Variants in ERBB4 observed in about 807,000 individuals in gnomAD.
ERBB4 encodes the protein erb-b2 receptor tyrosine kinase 4, also known as receptor tyrosine-protein kinase erbB-4.
In ERBB4, 42 loss-of-function variants were observed where a neutral mutation model predicts 158.0. The observed-to-expected ratio is 0.27, with a 90% CI of 0.21 to 0.34. The LOEUF (loss-of-function observed/expected upper bound fraction) is 0.34. Ranked by LOEUF, ERBB4 falls within the 10% of genes least tolerant of loss-of-function variation. The pLI is 1.00. For synonymous variants in ERBB4, 583 were observed against 558.7 expected (o/e 1.04, Z -0.61); for missense variants, 1,333 against 1,624.1 (o/e 0.82, Z 3.08).
At chr2:211,476,069 GT>G (rs1418113588) in intron 20 of ERBB4, among the ~76,000 whole-genome samples, 1 of 152,070 alleles carries the variant, frequency 6.6e-6, no homozygotes, top group African/African-American at 2.4e-5. Flanking sequence ...GAGATTATAT[GT>G]GATCAGCAAT....
intron 1 of ERBB4, among the ~76,000 whole-genome samples, chr2:212,257,343 A>C (rs1185565011): frequency 6.6e-6 from 1 of 152,108 alleles, no homozygotes; most frequent in East Asian, 1.9e-4. Context: ...TGTAATTCTG[A>C]AGTAATTAGG....
intron 2 of ERBB4, among the ~76,000 whole-genome samples, chr2:211,965,438 T>G (rs1322450766): frequency 1.3e-5 from 2 of 152,162 alleles, no homozygotes; most frequent in East Asian, 3.8e-4. Flanking sequence ...ATAAAAGATT[T>G]GCCTGATATA....
chr2:211,709,252 C>T (rs6718377), intron 9 of ERBB4, among the ~76,000 whole-genome samples: 4,104 of 70,014 alleles, frequency 0.059, 175 homozygotes, highest in African/African-American at 0.2. Flanking sequence ...TATATATATA[C>T]ACATATATAT....
chr2:212,135,481 C>CAT (rs200031338), intron 1 of ERBB4, among the ~76,000 whole-genome samples: 12 of 151,878 alleles, frequency 7.9e-5, no homozygotes, highest in East Asian at 1.9e-4. Context: ...CTTATAACTG[C>CAT]ATATATATAT....
chr2:211,424,382 A>G (rs2063580400), intron 22 of ERBB4, 81 bp from the exon 23 acceptor site: 2 of 969,204 alleles, frequency 2.1e-6, no homozygotes, highest in African/African-American at 3.2e-5. Flanking sequence ...TAGTAAAAGA[A>G]TACTCCTTAC....
At chr2:211,426,646 C>A (rs16846136) in intron 22 of ERBB4, among the ~76,000 whole-genome samples, 37,290 of 151,784 alleles carry the variant, frequency 0.25, 5,238 homozygotes, top group South Asian at 0.53. Flanking sequence ...CTGTTCTGCC[C>A]AGTTTATATA....
chr2:211,711,865 A>G (rs1349852977), intron 9 of ERBB4, among the ~76,000 whole-genome samples, 185 bp downstream of exon 9: 3 of 152,160 alleles, frequency 2.0e-5, no homozygotes, highest in Non-Finnish European at 4.4e-5. Context: ...CTAAAGTTTG[A>G]GCACATTCCA....
At chr2:211,520,402 C>T (rs2066154480) in intron 20 of ERBB4, among the ~76,000 whole-genome samples, 1 of 152,018 alleles carries the variant, frequency 6.6e-6, no homozygotes, top group South Asian at 2.1e-4. Flanking sequence ...TTATGTAAAA[C>T]ATGGGTTGGC....
intron 3 of ERBB4, among the ~76,000 whole-genome samples, chr2:211,909,872 T>G (rs183226882): frequency 6.6e-6 from 1 of 151,932 alleles, no homozygotes; most frequent in Admixed American, 6.6e-5. Context: ...TTAATATACT[T>G]TCCATAGTCT....
chr2:212,446,277 G>A (rs2092346615), intron 1 of ERBB4, among the ~76,000 whole-genome samples: 1 of 150,246 alleles, frequency 6.7e-6, no homozygotes, highest in South Asian at 2.1e-4. Flanking sequence ...CTGTAAGGGT[G>A]TTGCCAGAAG....
chr2:212,036,526 G>A (rs1396810665), intron 2 of ERBB4, among the ~76,000 whole-genome samples: 1 of 151,300 alleles, frequency 6.6e-6, no homozygotes, highest in Non-Finnish European at 1.5e-5. Flanking sequence ...GTGCAGTGGA[G>A]TGATCTGGGC....
chr2:212,208,031 A>G (rs2082820157), intron 1 of ERBB4, among the ~76,000 whole-genome samples: 1 of 152,176 alleles, frequency 6.6e-6, no homozygotes, highest in Non-Finnish European at 1.5e-5. Flanking sequence ...TGTTATTGTA[A>G]TACATAAAAA....
At chr2:212,240,312 G>A (rs1459008143) in intron 1 of ERBB4, among the ~76,000 whole-genome samples, 3 of 151,958 alleles carry the variant, frequency 2.0e-5, no homozygotes, top group Non-Finnish European at 4.4e-5. Context: ...TATTGGAGAG[G>A]TGCCCTTCCT....
intron 2 of ERBB4, among the ~76,000 whole-genome samples, chr2:212,001,484 T>C (rs1346686493): frequency 6.6e-6 from 1 of 152,168 alleles, no homozygotes; most frequent in Non-Finnish European, 1.5e-5. Flanking sequence ...GCTAAAAGGC[T>C]ATGCGAGGAT....
intron 19 of ERBB4, among the ~76,000 whole-genome samples, chr2:211,609,726 C>A (rs2069121744): frequency 6.6e-6 from 1 of 152,088 alleles, no homozygotes; most frequent in Admixed American, 6.6e-5. Flanking sequence ...GGTCTTGCTA[C>A]CTTTCCTCCT....
intron 20 of ERBB4, among the ~76,000 whole-genome samples, chr2:211,545,870 T>C (rs149150981): frequency 1.3e-5 from 2 of 152,044 alleles, no homozygotes; most frequent in Non-Finnish European, 2.9e-5. Context: ...TGACTGTCAT[T>C]AAGCTAATCT....
chr2:212,366,939 T>C (rs1462819666), intron 1 of ERBB4, among the ~76,000 whole-genome samples: 2 of 152,048 alleles, frequency 1.3e-5, no homozygotes, highest in African/African-American at 4.8e-5. Flanking sequence ...TCCAAATTTA[T>C]ATGTTGAAGC....
At chr2:211,928,650 T>C (rs1320256953) in intron 3 of ERBB4, among the ~76,000 whole-genome samples, 1 of 152,180 alleles carries the variant, frequency 6.6e-6, no homozygotes, top group Non-Finnish European at 1.5e-5. Flanking sequence ...AAGCTTCCCA[T>C]GAGTGTCCAG....
chr2:212,388,705 T>C (rs1341230342), intron 1 of ERBB4, among the ~76,000 whole-genome samples: 1 of 152,232 alleles, frequency 6.6e-6, no homozygotes, highest in Middle Eastern at 3.4e-3. Context: ...AGAAATGTCG[T>C]CATTGTGGGC....
Sources: gnomAD v4.1 joint callset for allele counts (sites outside exome capture counted in the v4.1 genomes callset) on GRCh38, gnomAD v4.1.1 for gene constraint, MANE v1.5 for transcripts, NCBI Gene and HGNC (gene_info 2026-07-23, HGNC 2026-07-21) for gene names.